The following NRG1 variants were observed in gnomAD, a reference collection of about 807,000 sequenced individuals.
NRG1 encodes the protein neuregulin 1.
In NRG1, 18 loss-of-function variants were observed where a neutral mutation model predicts 63.8. The ratio of observed to expected loss-of-function variants is 0.28; its 90% CI spans 0.19 to 0.42. The LOEUF (loss-of-function observed/expected upper bound fraction) is 0.42. NRG1 is among the 10% of genes least tolerant of loss of function. The pLI is 1.00. For synonymous variants in NRG1, 302 were observed against 301.3 expected (o/e 1.00, Z -0.02); for missense variants, 762 against 814.7 (o/e 0.94, Z 0.79).
chr8:32,522,952 C>T (rs757953938), intron 1 of NRG1, among the ~76,000 whole-genome samples: 1 of 151,966 alleles, frequency 6.6e-6, no homozygotes, highest in African/African-American at 2.4e-5. Context: ...TAGGTGCCCA[C>T]CACCACATCT....
intron 1 of NRG1, among the ~76,000 whole-genome samples, chr8:32,140,448 T>A (rs1474879318): frequency 2.0e-5 from 3 of 151,928 alleles, no homozygotes; most frequent in Admixed American, 6.6e-5. Context: ...CCTGCTGAAA[T>A]GCTTTTCTTC....
At chr8:32,532,969 T>C (rs1312231069) in intron 1 of NRG1, among the ~76,000 whole-genome samples, 1 of 151,984 alleles carries the variant, frequency 6.6e-6, no homozygotes, top group Non-Finnish European at 1.5e-5. Context: ...TGTGTATGTT[T>C]TGGGATTTTG....
At chr8:32,763,344 C>G (rs765169572) in intron 11 of NRG1, 1 of 1,613,940 alleles carries the variant, frequency 6.2e-7, no homozygotes, top group South Asian at 1.1e-5. Context: ...TCTAAGACCC[C>G]TTGGCCTTTA....
intron 1 of NRG1, among the ~76,000 whole-genome samples, chr8:32,558,360 G>T (rs549009562): frequency 2.8e-4 from 42 of 152,300 alleles, no homozygotes; most frequent in African/African-American, 6.5e-4. Context: ...GGTGAATGTG[G>T]TTATGCTGTG....
intron 1 of NRG1, among the ~76,000 whole-genome samples, chr8:32,338,258 AT>A (rs1477241150): frequency 6.6e-6 from 1 of 152,178 alleles, no homozygotes; most frequent in East Asian, 1.9e-4. Flanking sequence ...ACTAAGTTGC[AT>A]TGCAGTTATC....
chr8:32,480,498 A>AC lies in NRG1; in HGVS notation c.38-115329dup, dbSNP rs397810518. ...AAAAACAAAAACAAAAACAAAAAAA[A>AC]CAAAAAAAACGAGGCAAGGTGATGG... On this transcript the variant is annotated intron_variant, in intron 1 of 10. Coordinates refer to the NRG1 transcript ENST00000519301. 3.3e-5 allele frequency among the ~76,000 whole-genome samples: 5 copies of AC among 151,480 alleles called. No homozygotes were observed. The South Asian group carries it at 8.4e-4, about 25-fold the overall frequency.
At chr8:32,520,389 G>A (rs1478196708) in intron 1 of NRG1, among the ~76,000 whole-genome samples, 1 of 151,760 alleles carries the variant, frequency 6.6e-6, no homozygotes, top group Non-Finnish European at 1.5e-5. Context: ...GAACTCCTGG[G>A]CTCAAGGGAT....
intron 1 of NRG1, among the ~76,000 whole-genome samples, chr8:31,732,052 GTTA>G (rs1469693284): frequency 6.6e-6 from 1 of 152,018 alleles, no homozygotes; most frequent in Non-Finnish European, 1.5e-5. Context: ...ATGTAAAAAT[GTTA>G]TTTATTTTTT....
At chr8:32,285,970 A>G (rs1030365165) in intron 1 of NRG1, among the ~76,000 whole-genome samples, 1 of 152,202 alleles carries the variant, frequency 6.6e-6, no homozygotes, top group Non-Finnish European at 1.5e-5. Flanking sequence ...CAAGGTAGCT[A>G]TAAGCACTCT....
At chr8:31,854,081 G>A (rs1217510104) in intron 1 of NRG1, among the ~76,000 whole-genome samples, 5 of 151,176 alleles carry the variant, frequency 3.3e-5, no homozygotes, top group South Asian at 2.1e-4. Flanking sequence ...CTCTTTTTTT[G>A]TTGTGTCTCT....
intron 1 of NRG1, among the ~76,000 whole-genome samples, chr8:32,142,489 T>C (rs1836392847): frequency 6.6e-6 from 1 of 152,198 alleles, no homozygotes; most frequent in South Asian, 2.1e-4. Flanking sequence ...AGACCACCAA[T>C]AGGCCAAATC....
intron 1 of NRG1, among the ~76,000 whole-genome samples, chr8:32,469,206 TGAGA>T (rs1323055673): frequency 6.6e-6 from 1 of 152,172 alleles, no homozygotes; most frequent in Non-Finnish European, 1.5e-5. Flanking sequence ...GTGGCATCAT[TGAGA>T]GAGTCAGTTT....
intron 1 of NRG1, among the ~76,000 whole-genome samples, chr8:32,294,185 C>A (rs1031534388): frequency 1.3e-5 from 2 of 151,962 alleles, no homozygotes; most frequent in Admixed American, 1.3e-4. Context: ...CAAGTCCTCC[C>A]CCTGCTGGTT....
chr8:32,291,748 T>C (rs894741538), intron 1 of NRG1, among the ~76,000 whole-genome samples: 1 of 152,100 alleles, frequency 6.6e-6, no homozygotes, highest in African/African-American at 2.4e-5. Flanking sequence ...TTTCACCATG[T>C]TGGCCAGGCT....
At chr8:32,011,162 G>T (rs1463208982) in intron 1 of NRG1, among the ~76,000 whole-genome samples, 1 of 152,028 alleles carries the variant, frequency 6.6e-6, no homozygotes, top group African/African-American at 2.4e-5. Flanking sequence ...TGTCAGTACG[G>T]AAGTTTGAAA....
intron 1 of NRG1, among the ~76,000 whole-genome samples, chr8:31,788,410 T>G (rs1386078435): frequency 6.6e-6 from 1 of 152,174 alleles, no homozygotes; most frequent in Non-Finnish European, 1.5e-5. Context: ...ATATGGATAT[T>G]TAGGCTTGAA....
At chr8:32,261,116 G>A (rs191146298) in intron 1 of NRG1, among the ~76,000 whole-genome samples, 1 of 152,288 alleles carries the variant, frequency 6.6e-6, no homozygotes, top group East Asian at 1.9e-4. Flanking sequence ...GAGAGTTCCT[G>A]TATACCTGTC....
At chr8:31,902,582 C>T (rs1585626494) in intron 1 of NRG1, among the ~76,000 whole-genome samples, 1 of 151,894 alleles carries the variant, frequency 6.6e-6, no homozygotes, top group African/African-American at 2.4e-5. Context: ...AAGGATGAGA[C>T]GTTACTATGA....
chr8:32,555,508 G>A (rs1834952015), intron 1 of NRG1, among the ~76,000 whole-genome samples: 1 of 152,188 alleles, frequency 6.6e-6, no homozygotes, highest in African/African-American at 2.4e-5. Context: ...GTCTCACTGT[G>A]TCACCCAGGC....
Sources: gnomAD v4.1 joint callset for allele counts (sites outside exome capture counted in the v4.1 genomes callset) on GRCh38, gnomAD v4.1.1 for gene constraint, MANE v1.5 for transcripts, NCBI Gene and HGNC (gene_info 2026-07-23, HGNC 2026-07-21) for gene names.